The following PKHD1 variants were observed in gnomAD, a reference collection of about 807,000 sequenced individuals.
PKHD1 encodes fibrocystin.
PKHD1 carries 291 observed loss-of-function variants against 412.0 expected under a neutral mutation model. The observed-to-expected ratio is 0.71, with a 90% confidence interval of 0.64 to 0.78. The LOEUF is 0.78. PKHD1 is among the 30% of genes least tolerant of loss of function. The pLI is 0.00. For synonymous variants in PKHD1, 1,777 were observed against 1,821.5 expected, an observed-to-expected ratio of 0.98 and a Z score of 0.62; for missense variants, 4,825 against 4,950.7, an observed-to-expected ratio of 0.97 and a Z score of 0.76.
chr6:52,050,117 T>G (rs1223749864), intron 22 of PKHD1, 40 bp downstream of exon 22: 1 of 1,607,618 alleles, frequency 6.2e-7, no homozygotes, highest in Non-Finnish European at 8.5e-7. Context: ...CAACAAGCAT[T>G]CTTAGGAGAA....
chr6:52,038,374 CAAAAAA>C (rs34413030), intron 27 of PKHD1, among the ~76,000 whole-genome samples: 1 of 111,560 alleles, frequency 9.0e-6, no homozygotes, highest in Non-Finnish European at 2.0e-5. Context: ...GACTCGGTCT[CAAAAAA>C]AAAAAAAAAA....
chr6:51,865,839 C>T (rs1038198479), intron 48 of PKHD1, among the ~76,000 whole-genome samples: 1 of 152,174 alleles, frequency 6.6e-6, no homozygotes, highest in Non-Finnish European at 1.5e-5. Flanking sequence ...CTCATTAGCT[C>T]TGACATGTTC....
chr6:51,997,881 A>G (rs534121261), intron 35 of PKHD1, among the ~76,000 whole-genome samples: 1 of 152,198 alleles, frequency 6.6e-6, no homozygotes. Flanking sequence ...TAATGGTTCC[A>G]TCTCATAGCT....
chr6:51,811,032 CA>C (rs1377733916), intron 52 of PKHD1, among the ~76,000 whole-genome samples: 2 of 152,136 alleles, frequency 1.3e-5, no homozygotes, highest in Non-Finnish European at 2.9e-5. Flanking sequence ...TCCTCAATAT[CA>C]ATGAGATTAG....
intron 60 of PKHD1, among the ~76,000 whole-genome samples, chr6:51,719,556 A>T (rs1202064066): frequency 6.6e-6 from 1 of 152,082 alleles, no homozygotes; most frequent in African/African-American, 2.4e-5. Flanking sequence ...CTGGCAGCAA[A>T]ATTAATCATT....
chr6:51,912,598 T>G, intron 37 of PKHD1, 22 bp from the exon 38 acceptor site: 1 of 1,504,288 alleles, frequency 6.6e-7, no homozygotes, highest in African/African-American at 1.4e-5. Flanking sequence ...CGAGGAAAAG[T>G]TGTCCAGATA....
intron 55 of PKHD1, among the ~76,000 whole-genome samples, chr6:51,769,957 A>G (rs1789789822): frequency 6.6e-6 from 1 of 151,514 alleles, no homozygotes; most frequent in Non-Finnish European, 1.5e-5. Context: ...TTGTTGGTTT[A>G]TATTTTATTT....
chr6:52,025,605 C>T lies in PKHD1; in HGVS notation c.4205G>A (p.Cys1402Tyr). Reference protein sequence around the residue: ...MAIFPSQGSACGGTILTVRGL... With the variant: ...MAIFPSQGSAYGGTILTVRGL... ...CCTCACAGTAAGTATGGTCCCACCA[C>T]ATGCCGAACCCTGCGATGGGAAGAT... Residue 1402 changes from cysteine (C) to tyrosine (Y), a missense_variant, in exon 32 of 67, where the codon TGT (cysteine) becomes TAT (tyrosine). By Grantham distance (194) the Cys-to-Tyr change is radical. Transcript: ENST00000371117. The T allele has an allele frequency of 5.0e-6, 8 of 1,614,204 alleles. No individual in the cohort carries two copies. Among genetic ancestry groups the T allele is most frequent in the Non-Finnish European group, 5.9e-6 (7 of 1,180,040 alleles).
Position 51,906,347 on chromosome 6 carries a change from A to G in PKHD1, c.6683-7T>C, listed in dbSNP as rs771620118. On this transcript the variant is annotated splice_polypyrimidine_tract_variant and splice_region_variant and intron_variant, in intron 40 of 66. Coordinates refer to ENST00000371117, the MANE Select transcript of PKHD1 (RefSeq NM_138694.4). ...CAGCCCTGTATGAAAGACTCTGAAT[A>G]GGAAAGAGTAAAGTAAAAATTAGAT... 6.2e-7 allele frequency: 1 copy of G among 1,609,758 alleles called. No homozygotes were observed. The highest frequency in any genetic ancestry group is 8.5e-7 in the Non-Finnish European group (1 of 1,176,398).
chr6:51,854,286 C>G (rs1297238097), intron 49 of PKHD1, among the ~76,000 whole-genome samples: 5 of 152,002 alleles, frequency 3.3e-5, no homozygotes, highest in Non-Finnish European at 5.9e-5. Context: ...AGGAGTGCAG[C>G]AAAGATGGGT....
chr6:51,767,991 T>A (rs866227802), intron 55 of PKHD1, among the ~76,000 whole-genome samples: 4 of 152,176 alleles, frequency 2.6e-5, no homozygotes, highest in Admixed American at 1.3e-4. Flanking sequence ...GTTTCCTGAC[T>A]TTTTAATGAT....
chr6:51,643,555 G>T (rs1769664685), intron 63 of PKHD1, among the ~76,000 whole-genome samples: 1 of 152,104 alleles, frequency 6.6e-6, no homozygotes, highest in African/African-American at 2.4e-5. Flanking sequence ...CTTTAAATTT[G>T]GATTGTATAA....
intron 49 of PKHD1, among the ~76,000 whole-genome samples, chr6:51,852,890 G>C (rs1280123159): frequency 6.6e-5 from 10 of 151,908 alleles, no homozygotes. Flanking sequence ...CTTTTAATTG[G>C]GGCATTTAGC....
chr6:51,838,506 T>C (rs1769631861), intron 50 of PKHD1, among the ~76,000 whole-genome samples: 1 of 152,220 alleles, frequency 6.6e-6, no homozygotes, highest in Non-Finnish European at 1.5e-5. Flanking sequence ...GAAAATCTGT[T>C]GCTCACTTCA....
intron 61 of PKHD1, among the ~76,000 whole-genome samples, chr6:51,652,087 T>C (rs1205431136): frequency 6.6e-6 from 1 of 152,196 alleles, no homozygotes. Flanking sequence ...CAGAAGGACC[T>C]ACAGCCAAAC....
intron 37 of PKHD1, among the ~76,000 whole-genome samples, chr6:51,919,319 A>T (rs1784317560): frequency 6.6e-6 from 1 of 152,202 alleles, no homozygotes; most frequent in Admixed American, 6.5e-5. Context: ...GGTGTAAGGA[A>T]GGGATCCAAT....
At chr6:51,657,123 A>T (rs867045776) in intron 61 of PKHD1, among the ~76,000 whole-genome samples, 27 of 146,454 alleles carry the variant, frequency 1.8e-4, no homozygotes, top group Admixed American at 3.4e-4. Context: ...ATAATAATAA[A>T]AAAAAAAAAA....
At chr6:51,657,033 C>T (rs1161710721) in intron 61 of PKHD1, among the ~76,000 whole-genome samples, 1 of 151,608 alleles carries the variant, frequency 6.6e-6, no homozygotes, top group Non-Finnish European at 1.5e-5. Flanking sequence ...TGTTGAAATG[C>T]ATATAAGCTC....
At chr6:51,809,557 T>A (rs1582821018) in intron 52 of PKHD1, among the ~76,000 whole-genome samples, 2 of 152,076 alleles carry the variant, frequency 1.3e-5, no homozygotes, top group African/African-American at 4.8e-5. Context: ...TAATTTTTTT[T>A]AATCTAAATG....
Sources: allele counts gnomAD v4.1 joint callset (sites outside exome capture counted in the v4.1 genomes callset), GRCh38; gene constraint gnomAD v4.1.1; transcripts MANE v1.5; gene names NCBI Gene and HGNC (gene_info 2026-07-23, HGNC 2026-07-21).